The following GRXCR1 variants were observed in gnomAD, a reference collection of about 807,000 sequenced individuals.
GRXCR1 encodes glutaredoxin and cysteine rich domain containing 1.
In GRXCR1, 27 loss-of-function variants were observed where a neutral mutation model predicts 27.3. The observed-to-expected ratio is 0.99, with a 90% CI of 0.73 to 1.37. The LOEUF is 1.37. Ranked by LOEUF, GRXCR1 falls within the 40% of genes most tolerant of loss-of-function variation. GRXCR1 has a pLI of 0.00. For synonymous variants in GRXCR1, 122 were observed against 131.1 expected (o/e 0.93, Z 0.47); for missense variants, 379 against 354.4 (o/e 1.07, Z -0.56).
chr4:42,917,027 G>T (rs1746901478), intron 1 of GRXCR1, among the ~76,000 whole-genome samples: 1 of 152,080 alleles, frequency 6.6e-6, no homozygotes, highest in African/African-American at 2.4e-5. Flanking sequence ...TGATTGCTTA[G>T]GGTCAAAGGC....
chr4:43,010,066 A>T (rs527252363), intron 2 of GRXCR1, among the ~76,000 whole-genome samples: 10 of 152,166 alleles, frequency 6.6e-5, no homozygotes, highest in Non-Finnish European at 1.2e-4. Context: ...CATGGTTAAA[A>T]ATAGTTCAAC....
intron 1 of GRXCR1, 104 bp from the exon 2 acceptor site, chr4:42,962,788 T>G: frequency 7.8e-7 from 1 of 1,284,244 alleles, no homozygotes; most frequent in South Asian, 1.2e-5. Flanking sequence ...ATGTGTTCAT[T>G]CAATTTTATT....
chr4:42,979,155 T>A (rs542231029), intron 2 of GRXCR1, among the ~76,000 whole-genome samples: 1 of 152,036 alleles, frequency 6.6e-6, no homozygotes, highest in Non-Finnish European at 1.5e-5. Flanking sequence ...TCCTTTCTGA[T>A]TTGAATGCTT....
At chr4:43,015,662 A>C (rs1241403335) in intron 2 of GRXCR1, among the ~76,000 whole-genome samples, 1 of 151,952 alleles carries the variant, frequency 6.6e-6, no homozygotes, top group Non-Finnish European at 1.5e-5. Flanking sequence ...TTTCCTATAA[A>C]TTTCCATTAA....
intron 2 of GRXCR1, among the ~76,000 whole-genome samples, chr4:42,994,601 C>A (rs973759002): frequency 3.3e-5 from 5 of 152,210 alleles, no homozygotes; most frequent in South Asian, 4.1e-4. Context: ...AAGAAACAAA[C>A]CTTACTAATC....
chr4:43,016,358 A>G (rs765846453), intron 2 of GRXCR1, among the ~76,000 whole-genome samples: 1 of 152,160 alleles, frequency 6.6e-6, no homozygotes, highest in Non-Finnish European at 1.5e-5. Flanking sequence ...GCCCTCCCTC[A>G]TTCTCTCTGT....
At chr4:42,934,064 T>C (rs1478128882) in intron 1 of GRXCR1, among the ~76,000 whole-genome samples, 1 of 151,848 alleles carries the variant, frequency 6.6e-6, no homozygotes, top group African/African-American at 2.4e-5. Context: ...ATTTTAAATA[T>C]CCAAATGAAG....
intron 1 of GRXCR1, among the ~76,000 whole-genome samples, chr4:42,944,496 T>C (rs1747698130): frequency 6.6e-6 from 1 of 152,122 alleles, no homozygotes; most frequent in Admixed American, 6.6e-5. Flanking sequence ...CAGTTATGCA[T>C]TTTTATAAAG....
chr4:42,944,643 C>T (rs944616353), intron 1 of GRXCR1, among the ~76,000 whole-genome samples: 1 of 152,050 alleles, frequency 6.6e-6, no homozygotes, highest in Non-Finnish European at 1.5e-5. Context: ...AGATAAGATT[C>T]AAAACTTACG....
At chr4:42,946,213 T>G (rs1427891039) in intron 1 of GRXCR1, among the ~76,000 whole-genome samples, 1 of 152,156 alleles carries the variant, frequency 6.6e-6, no homozygotes, top group African/African-American at 2.4e-5. Flanking sequence ...TAGGAGGAAA[T>G]TAGTCATCAT....
At chr4:42,946,747 C>A (rs1415424314) in intron 1 of GRXCR1, among the ~76,000 whole-genome samples, 3 of 152,094 alleles carry the variant, frequency 2.0e-5, no homozygotes, top group Non-Finnish European at 4.4e-5. Context: ...GCCTTCATGA[C>A]CTAATCACCT....
chr4:43,006,334 G>A (rs1040976463), intron 2 of GRXCR1, among the ~76,000 whole-genome samples: 30 of 152,184 alleles, frequency 2.0e-4, no homozygotes, highest in South Asian at 1.7e-3. Flanking sequence ...TCTGACTGCC[G>A]GTGAGCTGGG....
intron 1 of GRXCR1, among the ~76,000 whole-genome samples, chr4:42,925,013 A>G (rs1351339190): frequency 6.6e-6 from 1 of 151,962 alleles, no homozygotes; most frequent in Non-Finnish European, 1.5e-5. Flanking sequence ...TTTGCAGATA[A>G]TAGTTATATT....
intron 2 of GRXCR1, among the ~76,000 whole-genome samples, chr4:42,991,797 C>G (rs1036836525): frequency 6.6e-6 from 1 of 151,980 alleles, no homozygotes; most frequent in African/African-American, 2.4e-5. Flanking sequence ...GTTTTTTTCA[C>G]TCCTCCCCAC....
chr4:42,994,407 T>C (rs544712544), intron 2 of GRXCR1, among the ~76,000 whole-genome samples: 1 of 152,232 alleles, frequency 6.6e-6, no homozygotes. Context: ...TGCAGATTGG[T>C]GAAAATTGCC....
intron 2 of GRXCR1, among the ~76,000 whole-genome samples, chr4:42,977,688 G>T (rs911144381): frequency 2.0e-5 from 3 of 151,798 alleles, no homozygotes; most frequent in Non-Finnish European, 4.4e-5. Context: ...TGGGTTCCTT[G>T]TATATTCTGG....
chr4:42,928,154 A>G (rs1479909485), intron 1 of GRXCR1, among the ~76,000 whole-genome samples: 2 of 152,002 alleles, frequency 1.3e-5, no homozygotes, highest in Non-Finnish European at 2.9e-5. Flanking sequence ...CAGCAGGATT[A>G]GTGACACACC....
At chr4:42,946,793 G>A (rs897222700) in intron 1 of GRXCR1, among the ~76,000 whole-genome samples, 1 of 152,066 alleles carries the variant, frequency 6.6e-6, no homozygotes, top group Middle Eastern at 3.2e-3. Context: ...ATTGCATTGA[G>A]GATTAAATTT....
intron 2 of GRXCR1, among the ~76,000 whole-genome samples, chr4:42,970,036 A>C (rs533639870): frequency 6.6e-6 from 1 of 152,300 alleles, no homozygotes; most frequent in Non-Finnish European, 1.5e-5. Context: ...TGCAAGTCCA[A>C]AACCCAGCAG....
Sources: allele counts gnomAD v4.1 joint callset (sites outside exome capture counted in the v4.1 genomes callset), GRCh38; gene constraint gnomAD v4.1.1; transcripts MANE v1.5; gene names NCBI Gene and HGNC (gene_info 2026-07-23, HGNC 2026-07-21).